The following UNC13C variants were observed in gnomAD, a reference collection of about 807,000 sequenced individuals.
The protein encoded by UNC13C is unc-13 homolog C, also known as protein unc-13 homolog C.
UNC13C carries 174 observed loss-of-function variants against 245.4 expected under a neutral mutation model. The ratio of observed to expected loss-of-function variants is 0.71; its 90% CI spans 0.63 to 0.80. The LOEUF is 0.80. UNC13C is among the 30% of genes least tolerant of loss of function. The probability of loss-of-function intolerance (pLI) is 0.00; values close to 1 mark genes in which losing one functional copy is unlikely to be tolerated. For missense variants in UNC13C, 2,829 were observed against 2,602.9 expected, an observed-to-expected ratio of 1.09 and a Z score of -1.89; for synonymous variants, 992 against 895.1, an observed-to-expected ratio of 1.11 and a Z score of -1.93.
chr15:54,621,186 T>C (rs1355144478), intron 30 of UNC13C, among the ~76,000 whole-genome samples: 3 of 152,208 alleles, frequency 2.0e-5, no homozygotes, highest in African/African-American at 7.2e-5. Flanking sequence ...CAGAATCTTT[T>C]GTTCCGGGCT....
intron 13 of UNC13C, among the ~76,000 whole-genome samples, chr15:54,313,138 T>A (rs2140966205): frequency 6.6e-6 from 1 of 151,874 alleles, no homozygotes; most frequent in African/African-American, 2.4e-5. Context: ...AATACTGGCC[T>A]AATGCTTTAA....
At chr15:54,212,130 A>T (rs2034899409) in intron 4 of UNC13C, among the ~76,000 whole-genome samples, 1 of 152,096 alleles carries the variant, frequency 6.6e-6, no homozygotes. Flanking sequence ...CCATTATCAT[A>T]GTGCTTGAAG....
At chr15:54,465,040 T>A (rs1440952792) in intron 19 of UNC13C, among the ~76,000 whole-genome samples, 1 of 152,080 alleles carries the variant, frequency 6.6e-6, no homozygotes, top group African/African-American at 2.4e-5. Context: ...ACATATCTGA[T>A]GGCAGCATTC....
chr15:54,132,341 A>G (rs1176134700), intron 2 of UNC13C, among the ~76,000 whole-genome samples: 2 of 152,132 alleles, frequency 1.3e-5, no homozygotes, highest in African/African-American at 2.4e-5. Context: ...AAGTGCTGGG[A>G]TCACAGGCAT....
At chr15:54,583,725 A>T (rs1179873710) in intron 30 of UNC13C, among the ~76,000 whole-genome samples, 1 of 152,184 alleles carries the variant, frequency 6.6e-6, no homozygotes, top group Admixed American at 6.5e-5. Flanking sequence ...GTCTCACTGT[A>T]TCACCTCTGG....
intron 2 of UNC13C, among the ~76,000 whole-genome samples, chr15:54,086,145 G>A (rs574612841): frequency 2.0e-5 from 3 of 152,104 alleles, no homozygotes; most frequent in Non-Finnish European, 4.4e-5. Flanking sequence ...ACCTTATAGT[G>A]CTGCAGAACA....
At chr15:53,986,062 C>T (rs1427628498) in intron 1 of UNC13C, among the ~76,000 whole-genome samples, 1 of 152,038 alleles carries the variant, frequency 6.6e-6, no homozygotes, top group Non-Finnish European at 1.5e-5. Flanking sequence ...AGGGAGGAAT[C>T]CCCAATGGTC....
chr15:54,268,500 TG>T (rs1463043945), intron 10 of UNC13C, among the ~76,000 whole-genome samples: 1 of 152,168 alleles, frequency 6.6e-6, no homozygotes, highest in Admixed American at 6.5e-5. Context: ...TAGCTTGAAT[TG>T]CAGACATTGC....
chr15:54,466,136 G>C (rs1892152509), intron 19 of UNC13C, among the ~76,000 whole-genome samples: 1 of 151,900 alleles, frequency 6.6e-6, no homozygotes, highest in Admixed American at 6.6e-5. Flanking sequence ...GAGCTAAAAA[G>C]AATTGATCTC....
At chr15:54,378,496 A>G (rs539045749) in intron 17 of UNC13C, among the ~76,000 whole-genome samples, 299 of 152,194 alleles carry the variant, frequency 2.0e-3, no homozygotes, top group African/African-American at 6.8e-3. Flanking sequence ...GACCTCGTCA[A>G]TTACTACAGC....
At chr15:53,959,151 T>G in the UNC13C span, among the ~76,000 whole-genome samples, 1 of 152,188 alleles carries the variant, frequency 6.6e-6, no homozygotes, top group Non-Finnish European at 1.5e-5. Flanking sequence ...GCTGAATAAT[T>G]TACTGTGTAT....
In UNC13C at chr15:54,626,962, A is replaced by G. The variant is rs1189265215; in HGVS notation, c.6494A>G (p.Tyr2165Cys). 2.5e-5 allele frequency: 40 copies of G among 1,613,502 alleles called. No homozygotes were observed. The highest frequency in any genetic ancestry group is 3.3e-5 in the Non-Finnish European group (39 of 1,179,610). ...CAGAACATAGCAGAAAAGGGAAGCTATGGGGCATGGTATCCTCTTCTGAAA... is the reference window on the plus strand; with the variant it reads ...CAGAACATAGCAGAAAAGGGAAGCTGTGGGGCATGGTATCCTCTTCTGAAA... ...QLQNIAEKGS[Y>C]GAWYPLLKNI... Residue 2165 changes from tyrosine (Y) to cysteine (C), a missense_variant, in exon 33 of 33, where the codon TAT becomes TGT. Tyr to Cys is a radical substitution (Grantham distance 194). Coordinates refer to ENST00000260323, the MANE Select transcript of UNC13C (RefSeq NM_001080534.3).
chr15:54,216,310 G>C (rs2035037242), intron 4 of UNC13C, among the ~76,000 whole-genome samples: 1 of 151,842 alleles, frequency 6.6e-6, no homozygotes, highest in African/African-American at 2.4e-5. Context: ...GCATTTTTTA[G>C]GTTGCTTCAA....
intron 19 of UNC13C, among the ~76,000 whole-genome samples, chr15:54,483,217 G>T (rs376537879): frequency 8.5e-5 from 13 of 152,130 alleles, no homozygotes; most frequent in African/African-American, 2.7e-4. Flanking sequence ...TTTATCTTCT[G>T]CTCTTCAGCT....
At position 54,435,081 on chromosome 15, in the gene UNC13C, C is replaced by T. The variant is rs2040953608; in HGVS notation, c.4933+20014C>T. Among the ~76,000 whole-genome samples the T allele has an allele frequency of 1.3e-5, 2 of 152,072 alleles. 1 individual carries two copies. The highest frequency in any genetic ancestry group is 4.1e-4 in the South Asian group (2 of 4,828). On this transcript the variant is annotated intron_variant, in intron 19 of 32. Coordinates refer to ENST00000260323, the MANE Select transcript of UNC13C (RefSeq NM_001080534.3). ...CAATCATTAAAAAATCAGGAAACAA[C>T]AGACGCTGGCGTAGATGTGGAAAAA...
At chr15:54,576,177 C>T (rs559487378) in intron 30 of UNC13C, among the ~76,000 whole-genome samples, 24 of 152,302 alleles carry the variant, frequency 1.6e-4, no homozygotes, top group South Asian at 8.3e-4. Flanking sequence ...CATTAAGACA[C>T]GATGTGTAAA....
chr15:54,257,053 A>G (rs2036298404), intron 8 of UNC13C, among the ~76,000 whole-genome samples: 1 of 152,236 alleles, frequency 6.6e-6, no homozygotes, highest in African/African-American at 2.4e-5. Flanking sequence ...TGTGTTAGCA[A>G]AGTTCCTAGA....
the UNC13C span, chr15:53,912,945 G>C: frequency 2.0e-5 from 3 of 152,296 alleles, no homozygotes; most frequent in Admixed American, 6.5e-5. Flanking sequence ...TCATAGACTT[G>C]ATGGCTGTTT....
chr15:53,845,528 A>T, the UNC13C span, among the ~76,000 whole-genome samples: 1 of 152,178 alleles, frequency 6.6e-6, no homozygotes, highest in Non-Finnish European at 1.5e-5. Flanking sequence ...TTAATACCAC[A>T]GCATATTATT....
Sources: allele counts gnomAD v4.1 joint callset (sites outside exome capture counted in the v4.1 genomes callset), GRCh38; gene constraint gnomAD v4.1.1; transcripts MANE v1.5; gene names NCBI Gene and HGNC (gene_info 2026-07-23, HGNC 2026-07-21).